SRPRB: variants seen among roughly 807,000 people sequenced by gnomAD.
SRPRB encodes the protein signal recognition particle receptor subunit beta.
SRPRB carries 20 observed loss-of-function variants against 31.9 expected under a neutral mutation model. That is an observed-to-expected ratio of 0.63 (90% CI 0.44 to 0.91). The LOEUF (loss-of-function observed/expected upper bound fraction) is 0.91, where lower values mean the gene tolerates loss of function less well. Ranked by LOEUF, SRPRB falls within the 40% of genes least tolerant of loss-of-function variation. The probability of loss-of-function intolerance (pLI) is 0.00; values close to 1 mark genes in which losing one functional copy is unlikely to be tolerated. For synonymous variants in SRPRB, 146 were observed against 132.8 expected (o/e 1.10, Z -0.68); for missense variants, 321 against 324.9 (o/e 0.99, Z 0.09).
At chr3:133,805,571 A>C, upstream of SRPRB, 2 of 316,016 alleles carry the variant, frequency 6.3e-6, no homozygotes, top group Non-Finnish European at 5.8e-6. Flanking sequence ...TATTCATTTC[A>C]TCATTCTTTC....
At chr3:133,798,272 G>A (rs1559887459) in intron 1 of SRPRB, among the ~76,000 whole-genome samples, 2 of 152,184 alleles carry the variant, frequency 1.3e-5, no homozygotes, top group African/African-American at 2.4e-5. Flanking sequence ...AAGCATAAAG[G>A]GAGAGATATA....
downstream of SRPRB, chr3:133,827,977 C>T: frequency 2.8e-6 from 2 of 702,962 alleles, no homozygotes; most frequent in Non-Finnish European, 5.2e-6. Context: ...CTGCAATTGC[C>T]AACAGCACCT....
chr3:133,802,763 T>C (rs1935080805), upstream of SRPRB, among the ~76,000 whole-genome samples: 1 of 152,184 alleles, frequency 6.6e-6, no homozygotes, highest in South Asian at 2.1e-4. Context: ...ATCTAGTATA[T>C]ACTTGTGGAA....
At chr3:133,800,093 G>T (rs1264596340) in intron 1 of SRPRB, among the ~76,000 whole-genome samples, 1 of 152,188 alleles carries the variant, frequency 6.6e-6, no homozygotes, top group Non-Finnish European at 1.5e-5. Flanking sequence ...GAGGCTCAGG[G>T]CTGTAATCTG....
In SRPRB at chr3:133,818,785, A is replaced by AGTGTGTGTGTGTGT. The variant is rs146467727; in HGVS notation, c.603-743_603-730dup. Reference sequence around the variant, plus strand: ...TATTGTTTTTTAAAAATACTTTTACAGTGTGTGTGTGTGTGTGTGTGTGTG... The same window carrying AGTGTGTGTGTGTGT: ...TATTGTTTTTTAAAAATACTTTTACAGTGTGTGTGTGTGTGTGTGTGTGTGTGTGTGTGTGTGTG... On this transcript the variant is annotated intron_variant, in intron 6 of 6. Transcript: ENST00000678299. Among the ~76,000 whole-genome samples, 245 of 144,204 alleles carry AGTGTGTGTGTGTGT rather than the reference A, an allele frequency of 1.7e-3. 1 individual carries two copies. In the Middle Eastern group the frequency reaches 0.017, roughly 10 times the overall value. 94.6% of individuals were successfully genotyped at this position (144,204 alleles called of 152,430 possible).
At chr3:133,811,056 A>T in intron 3 of SRPRB, 61 bp from the exon 4 acceptor site, 1 of 1,520,172 alleles carries the variant, frequency 6.6e-7, no homozygotes, top group Non-Finnish European at 9.1e-7. Context: ...ATGATACTAA[A>T]GGTTTATATT....
chr3:133,807,682 A>G, intron 2 of SRPRB, 64 bp from the exon 3 acceptor site: 6 of 1,081,760 alleles, frequency 5.5e-6, no homozygotes, highest in Non-Finnish European at 8.6e-6. Flanking sequence ...GACTTAGAAT[A>G]ATATAACTCA....
upstream of SRPRB, among the ~76,000 whole-genome samples, chr3:133,804,808 T>A (rs1406604064): frequency 2.6e-5 from 4 of 152,232 alleles, no homozygotes; most frequent in African/African-American, 9.7e-5. Context: ...CTTTTTTCAA[T>A]CTTTCAGTGA....
rs1934679607 is a variant in SRPRB at position 133,786,228 on chromosome 3, A to AAAAAC, written c.-174+2088_-174+2089insCAAAA. ...TATCAATAAAAAAATAAATTAAAAA[A>AAAAAC]AAAAAAAAAAAACAATACTATTTTT... On this transcript the variant is annotated intron_variant, in intron 1 of 7. Transcript: ENST00000466490. 5.2e-5 allele frequency: 4 copies of AAAAAC among 77,014 alleles called. 1 individual carries two copies. The highest frequency in any genetic ancestry group is 1.0e-4 in the African/African-American group (3 of 28,678). The allele number at this position is 77,014 out of a possible 1,614,324, so 4.8% of individuals were successfully genotyped here.
At position 133,819,781 on chromosome 3, in the gene SRPRB, GCA is replaced by G; in HGVS notation, c.*18_*19del. 6.2e-7 allele frequency: 1 copy of G among 1,611,824 alleles called. No individual in the cohort carries two copies. The highest frequency in any genetic ancestry group is 8.5e-7 in the Non-Finnish European group (1 of 1,178,858). On this transcript the variant is annotated 3_prime_UTR_variant, in exon 7 of 7. Transcript: ENST00000678299. ...AAATTGCCTGAGAGGCAGCTCTAAA[GCA>G]CAAGACCTGGATGTGTGACACACAG...
At chr3:133,805,163 G>C (rs1034066510), upstream of SRPRB, among the ~76,000 whole-genome samples, 1 of 152,158 alleles carries the variant, frequency 6.6e-6, no homozygotes, top group African/African-American at 2.4e-5. Context: ...TCTCCTGGGC[G>C]TTGATTTTCC....
rs762513319 is a variant in SRPRB, at chr3:133,820,639, A to T, written c.*873A>T. ...AGTTCTCTGTAGATTTCTGAAGTGCATATTCATTGATGCCAAGAAAAAAAA... is the reference window on the plus strand; with the variant it reads ...AGTTCTCTGTAGATTTCTGAAGTGCTTATTCATTGATGCCAAGAAAAAAAA... On this transcript the variant is annotated 3_prime_UTR_variant, in exon 7 of 7. Transcript: ENST00000678299. 1.3e-5 allele frequency: 2 copies of T among 150,980 alleles called. No individual in the cohort carries two copies. Among genetic ancestry groups the T allele is most frequent in the Non-Finnish European group, 2.9e-5 (2 of 67,808 alleles). The allele number at this position is 150,980 out of a possible 1,614,324, so 9.4% of individuals were successfully genotyped here.
At chr3:133,804,849 T>C (rs1559889396), upstream of SRPRB, among the ~76,000 whole-genome samples, 1 of 152,238 alleles carries the variant, frequency 6.6e-6, no homozygotes, top group Non-Finnish European at 1.5e-5. Context: ...TACTCAGCCA[T>C]ACAATTAAAT....
downstream of SRPRB, chr3:133,826,288 T>C (rs375916605): frequency 2.0e-5 from 3 of 152,216 alleles, no homozygotes; most frequent in Non-Finnish European, 1.5e-5. Context: ...TCAAACCAAA[T>C]GCTATCTTTT....
chr3:133,827,746 A>ACCC (rs55951806), downstream of SRPRB: 5 of 73,662 alleles, frequency 6.8e-5, no homozygotes, highest in South Asian at 2.4e-4. Flanking sequence ...TGCAGACAAC[A>ACCC]CCCCCCCCCC....
At chr3:133,792,338 C>A (rs1934861524) in intron 1 of SRPRB, 1 of 152,150 alleles carries the variant, frequency 6.6e-6, no homozygotes, top group South Asian at 2.1e-4. Flanking sequence ...CTGTGTAAGT[C>A]ATGAAATAAT....
At chr3:133,791,459 C>CCAGACT (rs1934828325) in intron 1 of SRPRB, 1 of 152,094 alleles carries the variant, frequency 6.6e-6, no homozygotes, top group Admixed American at 6.6e-5. Context: ...TTCTTACCAG[C>CCAGACT]CAGACTCTGG....
chr3:133,787,995 G>A (rs572468400), intron 1 of SRPRB: 2 of 152,318 alleles, frequency 1.3e-5, no homozygotes, highest in Admixed American at 1.3e-4. Context: ...TGGTGGTGCA[G>A]AGGAGCTGGA....
At chr3:133,825,353 C>G (rs964943241), downstream of SRPRB, 2 of 152,276 alleles carry the variant, frequency 1.3e-5, no homozygotes, top group African/African-American at 4.8e-5. Flanking sequence ...TGTCTGCACT[C>G]TTAACTACCA....
Sources: allele counts gnomAD v4.1 joint callset (sites outside exome capture counted in the v4.1 genomes callset), GRCh38; gene constraint gnomAD v4.1.1; transcripts MANE v1.5; gene names NCBI Gene and HGNC (gene_info 2026-07-23, HGNC 2026-07-21).